Variants in MRAP2 observed in about 807,000 individuals in gnomAD.
MRAP2 encodes melanocortin 2 receptor accessory protein 2.
Under a neutral mutation model 17.4 loss-of-function variants are expected in MRAP2, and 20 were observed. The ratio of observed to expected loss-of-function variants is 1.15; its 90% CI spans 0.81 to 1.67. MRAP2 has a LOEUF of 1.67. MRAP2 is among the 40% of genes most tolerant of loss of function. The probability of loss-of-function intolerance (pLI) is 0.00; values close to 1 mark genes in which losing one functional copy is unlikely to be tolerated. For synonymous variants in MRAP2, 96 were observed against 88.4 expected (o/e 1.09, Z -0.48); for missense variants, 238 against 240.0 (o/e 0.99, Z 0.05).
chr6:84,134,919 T>TAC, the MRAP2 span, among the ~76,000 whole-genome samples: 2,336 of 148,316 alleles, frequency 0.016, 41 homozygotes, highest in African/African-American at 0.043. Flanking sequence ...AGATCATATA[T>TAC]ACACACACAC....
chr6:84,146,034 T>C, the MRAP2 span, among the ~76,000 whole-genome samples: 1 of 152,114 alleles, frequency 6.6e-6, no homozygotes, highest in African/African-American at 2.4e-5. Context: ...CTTAATTGAA[T>C]TGACCTATTC....
At chr6:84,121,990 C>T in the MRAP2 span, among the ~76,000 whole-genome samples, 2 of 151,932 alleles carry the variant, frequency 1.3e-5, no homozygotes, top group East Asian at 1.9e-4. Context: ...GATCAATACA[C>T]AAAAAGTTGG....
At position 84,089,325 on chromosome 6, in the gene MRAP2, A is replaced by G. The variant is rs1184483675; in HGVS notation, c.462A>G (p.Pro154=). 1 of 1,614,116 alleles carries G rather than the reference A, an allele frequency of 6.2e-7. No homozygotes were observed. Among genetic ancestry groups the G allele is most frequent in the Non-Finnish European group, 8.5e-7 (1 of 1,180,050 alleles). Reference sequence around the variant, plus strand: ...AAGCCATCAGAAGCAGTGGGCAGCCAGAGGAGGAGCTGAACAGGCTCATGA... The same window carrying G: ...AAGCCATCAGAAGCAGTGGGCAGCCGGAGGAGGAGCTGAACAGGCTCATGA... The part of the protein sequence containing the change: ...LQEAIRSSGQ[P]EEELNRLMKF... Residue 154 remains proline (P), a synonymous_variant, in exon 4 of 4, where the codon CCA becomes CCG. Transcript: ENST00000257776.
At chr6:84,098,242 C>T in the MRAP2 span, among the ~76,000 whole-genome samples, 7 of 152,030 alleles carry the variant, frequency 4.6e-5, no homozygotes, top group South Asian at 4.2e-4. Context: ...TTTCATTCAG[C>T]GTAATTATTT....
downstream of MRAP2, among the ~76,000 whole-genome samples, chr6:84,093,382 T>A (rs1485341634): frequency 2.0e-5 from 3 of 152,150 alleles, no homozygotes; most frequent in South Asian, 6.2e-4. Context: ...TGGTCAGCCA[T>A]CTCTGTCGTC....
the MRAP2 span, among the ~76,000 whole-genome samples, chr6:84,125,791 C>T: frequency 1.3e-5 from 2 of 152,108 alleles, no homozygotes; most frequent in Admixed American, 1.3e-4. Flanking sequence ...GACTTCTGGC[C>T]TACAGAACTG....
intron 1 of MRAP2, among the ~76,000 whole-genome samples, chr6:84,038,167 CGAGG>C (rs2099486650): frequency 2.6e-5 from 4 of 152,148 alleles, no homozygotes; most frequent in Non-Finnish European, 2.9e-5. Flanking sequence ...GGCCTAAGGG[CGAGG>C]GCCCCTGGCA....
In MRAP2 at chr6:84,089,280, C is replaced by T. The variant is rs757688732; in HGVS notation, c.417C>T (p.Asp139=). The T allele has an allele frequency of 8.1e-6, 13 of 1,614,204 alleles. No homozygotes were observed. The highest frequency in any genetic ancestry group is 4.4e-5 in the South Asian group (4 of 91,074). The part of the protein sequence containing the change: ...AKACHQTTAL[D]SDVQLQEAIR... ...CTTGTCACCAGACCACAGCCCTTGA[C>T]AGTGACGTCCAACTCCAGGAAGCCA... The change falls in exon 4 of 4, where the codon GAC becomes GAT. Residue 139 remains aspartate (D), a synonymous_variant. Transcript: ENST00000257776.
rs73479099 is a variant in MRAP2, at chr6:84,052,730, C to T, written c.-7-2582C>T. 4.1e-3 allele frequency: 3,687 copies of T among 890,082 alleles called. 112 individuals are homozygous for T. The African/African-American group carries it at 0.061, about 15-fold the overall frequency. The allele number at this position is 890,082 out of a possible 1,614,324, so 55.1% of individuals were successfully genotyped here. ...GGCTACCCAGGCAACTGGTGGCTGC[C>T]TGGGGAGAGCTGGTGTCACATTTCA... On this transcript the variant is annotated intron_variant, in intron 1 of 3. Coordinates refer to ENST00000257776, the MANE Select transcript of MRAP2 (RefSeq NM_138409.4).
the MRAP2 span, among the ~76,000 whole-genome samples, chr6:84,114,704 T>C: frequency 6.6e-6 from 1 of 152,186 alleles, no homozygotes; most frequent in Non-Finnish European, 1.5e-5. Context: ...TCCCCATCTT[T>C]GTGGATTTAT....
intron 3 of MRAP2, among the ~76,000 whole-genome samples, chr6:84,067,492 T>C (rs1488586272): frequency 6.6e-6 from 1 of 152,214 alleles, no homozygotes; most frequent in African/African-American, 2.4e-5. Flanking sequence ...GTTTACATTC[T>C]ACACCAGCAG....
At chr6:84,047,239 G>A (rs942714469) in intron 1 of MRAP2, among the ~76,000 whole-genome samples, 3 of 151,870 alleles carry the variant, frequency 2.0e-5, no homozygotes, top group Non-Finnish European at 4.4e-5. Context: ...CACCCAAGCT[G>A]GAGTGCAGTG....
chr6:84,106,710 C>T, the MRAP2 span, among the ~76,000 whole-genome samples: 80 of 152,160 alleles, frequency 5.3e-4, no homozygotes, highest in African/African-American at 1.8e-3. Flanking sequence ...GGAGTAGGAA[C>T]GATGGGCATT....
rs1251630941 is a variant in MRAP2 at position 84,063,105 on chromosome 6, A to G, written c.227+113A>G. 4 of 1,532,444 alleles carry G rather than the reference A, an allele frequency of 2.6e-6. No homozygotes were observed. The Admixed American group carries it at 8.1e-5, about 31-fold the overall frequency. The allele number at this position is 1,532,444 out of a possible 1,614,324, so 94.9% of individuals were successfully genotyped here. ...CGTGGATGAAGAGAAGGGGGTGGTT[A>G]TAGATTTGCTGTCTGGACCCAGATG... On this transcript the variant is annotated intron_variant, in intron 3 of 3. Transcript: ENST00000257776.
the MRAP2 span, among the ~76,000 whole-genome samples, chr6:84,100,729 T>G: frequency 6.6e-6 from 1 of 152,230 alleles, no homozygotes; most frequent in South Asian, 2.1e-4. Context: ...TCATAACATT[T>G]TTATTGCATA....
rs777763534 is a variant in MRAP2 at position 84,089,361 on chromosome 6, C to T, written c.498C>T (p.Ile166=). The change falls in exon 4 of 4, where the codon ATC becomes ATT. Residue 166 remains isoleucine (I), a synonymous_variant. Coordinates refer to ENST00000257776, the MANE Select transcript of MRAP2 (RefSeq NM_138409.4). The part of the protein sequence containing the change: ...EELNRLMKFD[I]PNFVNTDQNY... ...TGAACAGGCTCATGAAGTTTGACAT[C>T]CCCAACTTTGTGAACACAGACCAGA... is the stretch of plus-strand genomic sequence containing the variant. 2.5e-6 allele frequency: 4 copies of T among 1,614,158 alleles called. No individual in the cohort carries two copies. The East Asian group carries it at 8.9e-5, about 36-fold the overall frequency.
At chr6:84,058,647 A>G (rs1355272574) in intron 2 of MRAP2, among the ~76,000 whole-genome samples, 1 of 152,232 alleles carries the variant, frequency 6.6e-6, no homozygotes, top group Non-Finnish European at 1.5e-5. Context: ...GTGTAGACAG[A>G]AAACTGAAGA....
intron 1 of MRAP2, among the ~76,000 whole-genome samples, chr6:84,054,404 G>C (rs2099491187): frequency 6.6e-6 from 1 of 152,226 alleles, no homozygotes; most frequent in Admixed American, 6.5e-5. Context: ...GTCTAAAATA[G>C]TCACAGTTAA....
At chr6:84,112,482 A>C in the MRAP2 span, among the ~76,000 whole-genome samples, 4 of 150,972 alleles carry the variant, frequency 2.6e-5, no homozygotes, top group Admixed American at 2.6e-4. Context: ...CATCTATTTG[A>C]TTCTTCTCTC....
Sources: allele counts gnomAD v4.1 joint callset (sites outside exome capture counted in the v4.1 genomes callset), GRCh38; gene constraint gnomAD v4.1.1; transcripts MANE v1.5; gene names NCBI Gene and HGNC (gene_info 2026-07-23, HGNC 2026-07-21).